NSD1: variants seen among roughly 807,000 people sequenced by gnomAD.
NSD1 encodes nuclear receptor binding SET domain protein 1, also known as histone-lysine N-methyltransferase, H3 lysine-36 specific.
Under a neutral mutation model 242.7 loss-of-function variants are expected in NSD1, and 26 were observed. The ratio of observed to expected loss-of-function variants is 0.11; its 90% CI spans 0.08 to 0.15. The LOEUF (loss-of-function observed/expected upper bound fraction) is 0.15. NSD1 is among the 10% of genes least tolerant of loss of function. NSD1 has a pLI of 1.00. For synonymous variants in NSD1, 1,106 were observed against 1,178.1 expected (o/e 0.94, Z 1.25); for missense variants, 2,495 against 3,272.8 (o/e 0.76, Z 5.80).
At chr5:177,151,346 T>G (rs1335125015) in intron 2 of NSD1, among the ~76,000 whole-genome samples, 1 of 152,164 alleles carries the variant, frequency 6.6e-6, no homozygotes, top group Non-Finnish European at 1.5e-5. Flanking sequence ...ATTGTGCCAT[T>G]GCACTCCAGC....
intron 2 of NSD1, among the ~76,000 whole-genome samples, chr5:177,152,768 CTTTTTTTT>C (rs1288978675): frequency 1.4e-5 from 2 of 142,400 alleles, no homozygotes; most frequent in Admixed American, 1.4e-4. Flanking sequence ...CTGGCCATTT[CTTTTTTTT>C]TTTTGGCAAG....
chr5:177,247,104 A>G (rs914418661), intron 10 of NSD1, among the ~76,000 whole-genome samples: 5 of 152,226 alleles, frequency 3.3e-5, no homozygotes, highest in Admixed American at 6.5e-5. Context: ...AAGTCAACAT[A>G]TGATCTGAAG....
intron 2 of NSD1, among the ~76,000 whole-genome samples, chr5:177,154,678 C>T (rs1329558398): frequency 1.3e-5 from 2 of 151,880 alleles, no homozygotes; most frequent in African/African-American, 4.8e-5. Context: ...TAGAGCATAG[C>T]TTTCCCTTTT....
rs377304398 is a variant in NSD1 at position 177,134,643 on chromosome 5, G to A, written c.-17-444G>A. 2.6e-5 allele frequency among the ~76,000 whole-genome samples: 4 copies of A among 152,300 alleles called. No homozygotes were observed. In the East Asian group the frequency reaches 7.8e-4, roughly 30 times the overall value. On this transcript the variant is annotated intron_variant, in intron 1 of 22. Transcript: ENST00000439151. This position sits in a 1 kb window ranked among gnomAD's most constrained non-coding sequence, Gnocchi z 4.2. ...GGTGCAGCGCTATTGTGACCGCTGC[G>A]CCCTAGCGAGCCAGGAAGGGGGGGG...
intron 12 of NSD1, among the ~76,000 whole-genome samples, chr5:177,254,748 A>AT (rs1756288598): frequency 6.6e-6 from 1 of 151,904 alleles, no homozygotes; most frequent in African/African-American, 2.4e-5. Flanking sequence ...TCTTCATAGA[A>AT]TTTTTTAGTT....
chr5:177,245,049 A>G (rs1766170107), intron 9 of NSD1, among the ~76,000 whole-genome samples: 1 of 152,116 alleles, frequency 6.6e-6, no homozygotes, highest in African/African-American at 2.4e-5. Context: ...CCCTGTCTCT[A>G]TCTACAGTTT....
At chr5:177,209,117 A>G (rs977499698) in intron 4 of NSD1, among the ~76,000 whole-genome samples, 8 of 152,182 alleles carry the variant, frequency 5.3e-5, no homozygotes, top group Admixed American at 2.0e-4. Context: ...ACATAATCTT[A>G]TTAGCAGAAG....
rs79098301 is a variant in NSD1 at position 177,280,543 on chromosome 5, G to A, written c.5623-22G>A. The A allele has an allele frequency of 0.052, 83,125 of 1,613,924 alleles. 2,509 individuals are homozygous for A. The highest frequency in any genetic ancestry group is 0.084 in the South Asian group (7,607 of 91,076). On this transcript the variant is annotated intron_variant, in intron 17 of 22. Transcript: ENST00000439151. ...CTTCTGCTGACTTGTTTTATGCGGT[G>A]TACTTTGTGTTACTTTTCCAGGTAA...
At chr5:177,133,530 G>A (rs1756010371), upstream of NSD1, 1 of 151,304 alleles carries the variant, frequency 6.6e-6, no homozygotes, top group Non-Finnish European at 1.5e-5. This position sits in a 1 kb window ranked among gnomAD's most constrained non-coding sequence, Gnocchi z 6.2. Context: ...GTAGGCCCCG[G>A]CCGCGAGCGG....
chr5:177,175,478 A>C (rs1478602537), intron 2 of NSD1, among the ~76,000 whole-genome samples: 1 of 151,896 alleles, frequency 6.6e-6, no homozygotes, highest in African/African-American at 2.4e-5. Flanking sequence ...AAAATTTTAA[A>C]TTTAGCCAGG....
chr5:177,209,861 G>A lies in NSD1; in HGVS notation c.1462G>A (p.Asp488Asn). Residue 488 changes from aspartate to asparagine, a missense_variant, in exon 5 of 23, where the codon GAT (aspartate) becomes AAT (asparagine). Physicochemically the swap from Asp to Asn is conservative, Grantham distance 23. Around this residue, in one of 19 missense-constraint regions of NSD1, gnomAD observed 515 missense variants for 467.0 expected, o/e 1.10. Transcript: ENST00000439151. ...GGCTTTTGATTCTGAACATTCTGCA[G>A]ATGAGAAGGAAAAGCCTTGCGCTAA... ...SLAFDSEHSA[D>N]EKEKPCAKSR... 1 of 1,614,152 alleles carries A rather than the reference G, an allele frequency of 6.2e-7. No individual in the cohort carries two copies.
intron 2 of NSD1, among the ~76,000 whole-genome samples, chr5:177,159,223 A>G (rs938794268): frequency 6.7e-5 from 10 of 150,092 alleles, no homozygotes; most frequent in Non-Finnish European, 1.2e-4. Context: ...GTCTTAATTC[A>G]TGAAGGATGA....
At chr5:177,152,250 C>T (rs1254543444) in intron 2 of NSD1, among the ~76,000 whole-genome samples, 1 of 151,954 alleles carries the variant, frequency 6.6e-6, no homozygotes, top group East Asian at 1.9e-4. Context: ...AAGTGGTCCT[C>T]CTGCCTCGGC....
chr5:177,132,243 C>G (rs1755931264), upstream of NSD1, among the ~76,000 whole-genome samples: 1 of 151,860 alleles, frequency 6.6e-6, no homozygotes, highest in South Asian at 2.1e-4. This position sits in a 1 kb window ranked among gnomAD's most constrained non-coding sequence, Gnocchi z 7.5. Context: ...GAGGCGCGCA[C>G]TCCCCGGGGA....
intron 2 of NSD1, among the ~76,000 whole-genome samples, chr5:177,145,265 T>A (rs1183370263): frequency 6.6e-6 from 1 of 151,624 alleles, no homozygotes; most frequent in African/African-American, 2.4e-5. Context: ...CATATGAGCA[T>A]GTAACATGTA....
chr5:177,209,895 C>T lies in NSD1; in HGVS notation c.1496C>T (p.Ala499Val), dbSNP rs1763194674. 1.2e-6 allele frequency: 2 copies of T among 1,613,948 alleles called. No homozygotes were observed. The highest frequency in any genetic ancestry group is 2.2e-5 in the South Asian group (2 of 91,072). ...GAAAAGCCTTGCGCTAAATCTCGAG[C>T]CAGAAAGAGCTCTGATAATCCAAAA... Reference protein sequence around the residue: ...EKEKPCAKSRARKSSDNPKRT... With the variant: ...EKEKPCAKSRVRKSSDNPKRT... Residue 499 changes from alanine to valine, a missense_variant, in exon 5 of 23, where the codon GCC (alanine) becomes GTC (valine). Physicochemically the swap from Ala to Val is moderately conservative, Grantham distance 64 (BLOSUM62 0). This residue lies in a region of NSD1 where 515 missense variants were observed against 467.0 expected (regional missense o/e 1.10). Transcript: ENST00000439151.
chr5:177,230,342 C>T (rs1764960688), intron 5 of NSD1, among the ~76,000 whole-genome samples: 2 of 152,028 alleles, frequency 1.3e-5, no homozygotes, highest in African/African-American at 4.8e-5. Context: ...TTTTATGAGC[C>T]ATAAGTTCTC....
At chr5:177,160,860 C>G (rs570889184) in intron 2 of NSD1, among the ~76,000 whole-genome samples, 53 of 152,044 alleles carry the variant, frequency 3.5e-4, no homozygotes, top group African/African-American at 1.3e-3. Flanking sequence ...CCTCCCCTTC[C>G]CAGGTTGAAG....
chr5:177,267,494 T>C (rs1757590389), intron 14 of NSD1, 68 bp from the exon 15 acceptor site: 1 of 1,242,756 alleles, frequency 8.0e-7, no homozygotes, highest in African/African-American at 1.5e-5. Flanking sequence ...TATATATATG[T>C]GTATGGATGT....
Sources: allele counts gnomAD v4.1 joint callset (sites outside exome capture counted in the v4.1 genomes callset), GRCh38; gene constraint gnomAD v4.1.1; regional missense constraint gnomAD v4.1.1; non-coding constraint Gnocchi (gnomAD v3.1); transcripts MANE v1.5; gene names NCBI Gene and HGNC (gene_info 2026-07-23, HGNC 2026-07-21).